The following SYTL3 variants were observed in gnomAD, a reference collection of about 807,000 sequenced individuals.
SYTL3 encodes synaptotagmin-like protein 3.
In SYTL3, 88 loss-of-function variants were observed where a neutral mutation model predicts 82.1. That is an observed-to-expected ratio of 1.07 (90% CI 0.90 to 1.28). SYTL3 has a LOEUF of 1.28. Among genes scored for constraint, SYTL3 ranks in the 50% most tolerant of loss-of-function variants. The pLI, the probability that SYTL3 is intolerant of heterozygous loss-of-function variation, is 0.00. For synonymous variants in SYTL3, 311 were observed against 289.4 expected (o/e 1.07, Z -0.76); for missense variants, 831 against 757.6 (o/e 1.10, Z -1.14).
chr6:158,742,567 A>AT (rs142084166), intron 11 of SYTL3, among the ~76,000 whole-genome samples: 155 of 144,518 alleles, frequency 1.1e-3, no homozygotes, highest in Middle Eastern at 7.1e-3. Context: ...TGCTGGAAGC[A>AT]TTTTTTTTTT....
chr6:158,740,353 C>T (rs887507735), intron 11 of SYTL3, among the ~76,000 whole-genome samples: 19 of 152,116 alleles, frequency 1.2e-4, no homozygotes, highest in Admixed American at 1.2e-3. Flanking sequence ...GGAGAAATTT[C>T]TATTTGATTC....
At chr6:158,760,768 G>A in intron 15 of SYTL3, 23 bp downstream of exon 15, 20 of 1,574,176 alleles carry the variant, frequency 1.3e-5, no homozygotes, top group Non-Finnish European at 1.7e-5. Flanking sequence ...CAGCTCCCTG[G>A]ACATTGTCTG....
intron 2 of SYTL3, among the ~76,000 whole-genome samples, chr6:158,659,735 T>G (rs970166625): frequency 5.3e-5 from 8 of 152,222 alleles, no homozygotes; most frequent in Non-Finnish European, 1.2e-4. Context: ...GCATCTTGAC[T>G]TTTCATTTCG....
intron 7 of SYTL3, among the ~76,000 whole-genome samples, chr6:158,707,858 G>A (rs1313726951): frequency 2.0e-5 from 3 of 152,274 alleles, no homozygotes; most frequent in East Asian, 3.9e-4. Context: ...TTCCAATATC[G>A]AGACTTTTTC....
Position 158,725,553 on chromosome 6 carries a change from A to C in SYTL3, c.771A>C (p.Lys257Asn), listed in dbSNP as rs1465832356. Residue 257 changes from lysine (K) to asparagine (N), a missense_variant, in exon 11 of 18, where the codon AAA becomes AAC. Lys to Asn is a moderately conservative substitution (Grantham distance 94). Transcript: ENST00000611299. ...ILKPLNQEDP[K>N]CSTNPILKQQ... ...AACCTCTCAATCAAGAGGATCCCAA[A>C]TGCTCTACTAACCCTATTTTGAAGC... 2.5e-6 allele frequency: 4 copies of C among 1,613,986 alleles called. No homozygotes were observed. Among genetic ancestry groups the C allele is most frequent in the Non-Finnish European group, 2.5e-6 (3 of 1,180,000 alleles).
intron 5 of SYTL3, 67 bp downstream of exon 5, chr6:158,665,680 C>A: frequency 2.4e-6 from 3 of 1,264,892 alleles, no homozygotes; most frequent in Non-Finnish European, 3.3e-6. Context: ...CTTTACAAAC[C>A]GCTCATAAAG....
intron 10 of SYTL3, among the ~76,000 whole-genome samples, chr6:158,719,462 A>G (rs1783817302): frequency 6.6e-6 from 1 of 152,192 alleles, no homozygotes; most frequent in Non-Finnish European, 1.5e-5. Flanking sequence ...GGAACCGCAG[A>G]TGCATTTTTG....
chr6:158,756,660 C>T (rs543268336), intron 13 of SYTL3, among the ~76,000 whole-genome samples: 4 of 145,556 alleles, frequency 2.7e-5, no homozygotes, highest in African/African-American at 1.0e-4. Context: ...TGCAGTGAGC[C>T]AAGATCGTGC....
Position 158,665,539 on chromosome 6 carries a change from C to A in SYTL3, c.255C>A (p.His85Gln). 1 of 1,588,576 alleles carries A rather than the reference C, an allele frequency of 6.3e-7. No homozygotes were observed. Among genetic ancestry groups the A allele is most frequent in the Non-Finnish European group, 8.6e-7 (1 of 1,168,394 alleles). ...HRGAVCRGCS[H>Q]RVCAQCRVFL... Reference sequence around the variant, plus strand: ...GCGCCGTGTGCCGGGGCTGCAGCCACCGCGTGTGTGCCCAGTGCCGAGTGT... The same window carrying A: ...GCGCCGTGTGCCGGGGCTGCAGCCAACGCGTGTGTGCCCAGTGCCGAGTGT... Residue 85 changes from histidine to glutamine, a missense_variant, in exon 5 of 18, where the codon CAC (histidine) becomes CAA (glutamine). By Grantham distance (24) the His-to-Gln change is conservative. Transcript: ENST00000611299.
intron 6 of SYTL3, among the ~76,000 whole-genome samples, chr6:158,687,432 C>T (rs916365847): frequency 2.6e-5 from 4 of 152,202 alleles, no homozygotes; most frequent in African/African-American, 9.7e-5. Context: ...AGAAGCCACA[C>T]CCTGTCATTT....
chr6:158,652,770 T>C (rs982418142), intron 2 of SYTL3, among the ~76,000 whole-genome samples: 6 of 152,078 alleles, frequency 3.9e-5, no homozygotes, highest in Non-Finnish European at 7.4e-5. Flanking sequence ...TCAAAACTCC[T>C]GACCTCGTGA....
Position 158,655,128 on chromosome 6 carries a change from A to G in SYTL3, c.-637+3286A>G, listed in dbSNP as rs149741569. Among the ~76,000 whole-genome samples the G allele has an allele frequency of 3.8e-4, 58 of 152,324 alleles. No homozygotes were observed. In the East Asian group the frequency reaches 8.1e-3, roughly 21 times the overall value. Reference sequence around the variant, plus strand: ...ATGGACCTAGGAGATTTCCGTATTCAAGCTATGAGATTGTGAATTCCTGCG... The same window carrying G: ...ATGGACCTAGGAGATTTCCGTATTCGAGCTATGAGATTGTGAATTCCTGCG... On this transcript the variant is annotated intron_variant, in intron 2 of 17. Coordinates refer to ENST00000611299, the MANE Select transcript of SYTL3 (RefSeq NM_001242394.2).
intron 1 of SYTL3, among the ~76,000 whole-genome samples, chr6:158,650,525 A>G (rs1787866116): frequency 2.0e-5 from 3 of 152,204 alleles, no homozygotes. Flanking sequence ...TCATTTTGGA[A>G]TTATAAAAAA....
At chr6:158,723,335 C>T (rs1784351907) in intron 10 of SYTL3, among the ~76,000 whole-genome samples, 1 of 152,018 alleles carries the variant, frequency 6.6e-6, no homozygotes, top group Non-Finnish European at 1.5e-5. Context: ...CTCAGCCTCC[C>T]AAAGTGCTAG....
Position 158,679,530 on chromosome 6 carries a change from C to T in SYTL3, c.330-3395C>T, listed in dbSNP as rs1358803559. 5.3e-5 allele frequency among the ~76,000 whole-genome samples: 8 copies of T among 152,030 alleles called. No homozygotes were observed. In the East Asian group the frequency reaches 9.6e-4, roughly 18 times the overall value. On this transcript the variant is annotated intron_variant, in intron 5 of 17. Transcript: ENST00000611299. Reference sequence around the variant, plus strand: ...CAAGCAGTCTCAAATGCAAAAAGTGCTGGTTGTCATATGGTTTAGGGATAA... The same window carrying T: ...CAAGCAGTCTCAAATGCAAAAAGTGTTGGTTGTCATATGGTTTAGGGATAA...
At chr6:158,716,611 C>T (rs1783462317) in intron 9 of SYTL3, among the ~76,000 whole-genome samples, 1 of 152,180 alleles carries the variant, frequency 6.6e-6, no homozygotes, top group South Asian at 2.1e-4. Flanking sequence ...GGCTAGGAGG[C>T]ATCCTGGTGG....
intron 14 of SYTL3, 52 bp downstream of exon 14, chr6:158,757,433 A>G: frequency 6.3e-7 from 1 of 1,581,052 alleles, no homozygotes; most frequent in Non-Finnish European, 8.6e-7. Context: ...TGATAGATAA[A>G]TAACTTTTCA....
At chr6:158,724,957 G>C (rs1784528078) in intron 10 of SYTL3, among the ~76,000 whole-genome samples, 1 of 152,226 alleles carries the variant, frequency 6.6e-6, no homozygotes, top group African/African-American at 2.4e-5. Context: ...GGAGGCTGCA[G>C]TGAGCCAAGA....
chr6:158,663,968 G>A (rs944538341), intron 4 of SYTL3, among the ~76,000 whole-genome samples: 3 of 152,100 alleles, frequency 2.0e-5, no homozygotes, highest in East Asian at 1.9e-4. Context: ...TAAGCTGCAC[G>A]GGCCGTTTGA....
Sources: gnomAD v4.1 joint callset for allele counts (sites outside exome capture counted in the v4.1 genomes callset) on GRCh38, gnomAD v4.1.1 for gene constraint, MANE v1.5 for transcripts, NCBI Gene and HGNC (gene_info 2026-07-23, HGNC 2026-07-21) for gene names.